Variants in CCAR1 observed in about 807,000 individuals in gnomAD.
CCAR1 encodes the protein cell division cycle and apoptosis regulator 1, also known as cell division cycle and apoptosis regulator protein 1.
Under a neutral mutation model 163.8 loss-of-function variants are expected in CCAR1, and 78 were observed. That is an observed-to-expected ratio of 0.48 (90% confidence interval 0.40 to 0.57). The LOEUF (loss-of-function observed/expected upper bound fraction) is 0.57, where lower values mean the gene tolerates loss of function less well. Among genes scored for constraint, CCAR1 ranks in the 20% least tolerant of loss-of-function variants. CCAR1 has a pLI of 0.00. For synonymous variants in CCAR1, 443 were observed against 460.7 expected (o/e 0.96, Z 0.49); for missense variants, 1,019 against 1,365.2 (o/e 0.75, Z 4.00).
chr10:68,742,309 T>G (rs1231719362), intron 5 of CCAR1, 67 bp from the exon 6 acceptor site: 26 of 1,271,494 alleles, frequency 2.0e-5, no homozygotes, highest in Non-Finnish European at 2.6e-5. Context: ...TAGTTTTAAG[T>G]AGTCATATTC....
At position 68,735,206 on chromosome 10, in the gene CCAR1, G is replaced by A. The variant is rs563782648; in HGVS notation, c.74-1670G>A. On this transcript the variant is annotated intron_variant, in intron 2 of 24. Transcript: ENST00000265872. ...CTACCAAAAATTTAAAAATTAGCAG[G>A]ATGTGGTGGCTTGCGCCTGTAGTCC... Among the ~76,000 whole-genome samples the A allele has an allele frequency of 4.6e-4, 70 of 152,124 alleles. No individual in the cohort carries two copies. The South Asian group carries it at 0.011, about 23-fold the overall frequency.
intron 15 of CCAR1, among the ~76,000 whole-genome samples, chr10:68,758,607 A>G (rs765357932): frequency 1.5e-5 from 2 of 134,194 alleles, no homozygotes; most frequent in Non-Finnish European, 3.1e-5. Context: ...ACATATATAT[A>G]CGTGTGTGTA....
intron 23 of CCAR1, 95 bp downstream of exon 23, chr10:68,788,423 C>A: frequency 1.3e-6 from 1 of 770,920 alleles, no homozygotes; most frequent in Non-Finnish European, 1.9e-6. Context: ...TACCTGTGTA[C>A]ACATTTGCAT....
At chr10:68,744,146 A>G (rs963122528) in intron 6 of CCAR1, among the ~76,000 whole-genome samples, 5 of 152,166 alleles carry the variant, frequency 3.3e-5, no homozygotes, top group African/African-American at 9.7e-5. Context: ...CAGCCCTGCA[A>G]AGTGCTGGGA....
At chr10:68,745,530 C>G (rs1589162888) in intron 6 of CCAR1, among the ~76,000 whole-genome samples, 1 of 150,864 alleles carries the variant, frequency 6.6e-6, no homozygotes, top group African/African-American at 2.4e-5. Context: ...ATGGCATGAT[C>G]TCGGCTCACT....
At chr10:68,774,822 G>A (rs1009353314) in intron 19 of CCAR1, 13 of 319,124 alleles carry the variant, frequency 4.1e-5, no homozygotes, top group Non-Finnish European at 7.1e-5. Flanking sequence ...AGACATCAAC[G>A]ATCAAATACC....
At chr10:68,742,270 C>A in intron 5 of CCAR1, 106 bp from the exon 6 acceptor site, 1 of 793,194 alleles carries the variant, frequency 1.3e-6, no homozygotes, top group Non-Finnish European at 2.0e-6. Flanking sequence ...TATCTTCTAA[C>A]ATAATATGAA....
chr10:68,759,910 C>T (rs959338400), intron 15 of CCAR1, among the ~76,000 whole-genome samples: 1 of 152,124 alleles, frequency 6.6e-6, no homozygotes, highest in Non-Finnish European at 1.5e-5. Flanking sequence ...TGAGAGTTCA[C>T]TGTAGCTTCA....
At chr10:68,759,858 GTAT>G (rs1299390267) in intron 15 of CCAR1, among the ~76,000 whole-genome samples, 6 of 152,056 alleles carry the variant, frequency 3.9e-5, no homozygotes, top group East Asian at 3.9e-4. Flanking sequence ...TTCTTAGGTG[GTAT>G]TATTATTATT....
At chr10:68,728,987 A>G (rs931313172) in intron 2 of CCAR1, among the ~76,000 whole-genome samples, 1 of 151,932 alleles carries the variant, frequency 6.6e-6, no homozygotes, top group African/African-American at 2.4e-5. Flanking sequence ...AATAAGTAGA[A>G]CTTTCTATGG....
In CCAR1 at chr10:68,755,277, A is replaced by G. The variant is rs762646313; in HGVS notation, c.1459-93A>G. ...AGATACCAGAGGTAGTAAAAATGAT[A>G]TTGGAAAGGTTTGTACCTTTCCTTC... On this transcript the variant is annotated intron_variant, in intron 12 of 24. Coordinates refer to ENST00000265872, the MANE Select transcript of CCAR1 (RefSeq NM_018237.4). The G allele has an allele frequency of 3.6e-6, 4 of 1,123,936 alleles. No homozygotes were observed. In the East Asian group the frequency reaches 7.1e-5, roughly 20 times the overall value. 69.6% of individuals were successfully genotyped at this position (1,123,936 alleles called of 1,614,324 possible).
At chr10:68,726,241 T>A (rs1298659997) in intron 2 of CCAR1, among the ~76,000 whole-genome samples, 1 of 149,182 alleles carries the variant, frequency 6.7e-6, no homozygotes, top group African/African-American at 2.5e-5. Context: ...AAGCTCCACC[T>A]CCTGGGTTCA....
In CCAR1 at chr10:68,787,979, A is replaced by T. The variant is rs772351281; in HGVS notation, c.2933A>T (p.Lys978Ile). 1.9e-6 allele frequency: 3 copies of T among 1,613,282 alleles called. No homozygotes were observed. The East Asian group carries it at 6.7e-5, about 36-fold the overall frequency. Residue 978 changes from lysine to isoleucine, a missense_variant, in exon 22 of 25, where the codon AAA becomes ATA. By Grantham distance (102) the Lys-to-Ile change is moderately radical (BLOSUM62 -3). Around this residue, in one of 4 missense-constraint regions of CCAR1, gnomAD observed 358 missense variants for 406.4 expected, o/e 0.88. Coordinates refer to ENST00000265872, the MANE Select transcript of CCAR1 (RefSeq NM_018237.4). ...VVLRESCFYR[K>I]LTDTSKDEEN... ...CTCCGTGAATCTTGCTTTTACCGGA[A>T]ATTAACAGACACCTCAAAAGATGAA...
rs2056118788 is a variant in CCAR1, at chr10:68,736,929, A to G, written c.127A>G (p.Thr43Ala). ...SLLGASPTIY[T>A]QQTALAAAGL... ...CCTTGGAGCATCTCCTACCATTTATACACAGCAAACTGCATTGGCAGCAGC... is the reference window on the plus strand; with the variant it reads ...CCTTGGAGCATCTCCTACCATTTATGCACAGCAAACTGCATTGGCAGCAGC... Residue 43 changes from threonine to alanine, a missense_variant, in exon 3 of 25, where the codon ACA (threonine) becomes GCA (alanine). Physicochemically the swap from Thr to Ala is moderately conservative, Grantham distance 58 (BLOSUM62 0). Transcript: ENST00000265872. The G allele has an allele frequency of 6.2e-7, 1 of 1,614,026 alleles. No individual in the cohort carries two copies. The highest frequency in any genetic ancestry group is 8.5e-7 in the Non-Finnish European group (1 of 1,180,016).
chr10:68,767,858 GTTTAC>G (rs1462834835), intron 17 of CCAR1, among the ~76,000 whole-genome samples: 1 of 152,136 alleles, frequency 6.6e-6, no homozygotes. Context: ...ATGTAGTTTA[GTTTAC>G]TTTACAACAT....
chr10:68,747,682 C>A, intron 8 of CCAR1, 116 bp downstream of exon 8: 1 of 832,382 alleles, frequency 1.2e-6, no homozygotes, highest in Non-Finnish European at 1.9e-6. Flanking sequence ...CCTAAAAATC[C>A]TGAATAGGAC....
At position 68,786,683 on chromosome 10, in the gene CCAR1, T is replaced by G; in HGVS notation, c.2871T>G (p.Ser957=). 6.3e-7 allele frequency: 1 copy of G among 1,592,206 alleles called. No homozygotes were observed. The stretch of plus-strand genomic sequence containing the variant: ...TTTATACTCTTGGACTACATCTTTC[T>G]CGGGCTCAGGTAATCTATCTTGTGA... ...EILYTLGLHL[S]RAQVKKLLNK... is the part of the protein sequence containing the mutation. The change falls in exon 21 of 25, where the codon TCT becomes TCG. Residue 957 remains serine (S), a synonymous_variant. Transcript: ENST00000265872.
rs1365341408 is a variant in CCAR1 at position 68,736,962 on chromosome 10, A to G, written c.160A>G (p.Thr54Ala). 1.9e-6 allele frequency: 3 copies of G among 1,613,968 alleles called. No individual in the cohort carries two copies. The highest frequency in any genetic ancestry group is 2.5e-6 in the Non-Finnish European group (3 of 1,179,960). ...QQTALAAAGL[T>A]TQTPANYQLT... ...AACTGCATTGGCAGCAGCAGGCCTT[A>G]CCACACAAACTCCAGCAAACTATCA... Residue 54 changes from threonine (T) to alanine (A), a missense_variant, in exon 3 of 25, where the codon ACC (threonine) becomes GCC (alanine). Thr to Ala is a moderately conservative substitution (Grantham distance 58). Around this residue, in one of 4 missense-constraint regions of CCAR1, gnomAD observed 644 missense variants for 904.4 expected, o/e 0.71. Coordinates refer to ENST00000265872, the MANE Select transcript of CCAR1 (RefSeq NM_018237.4).
At chr10:68,776,586 G>A (rs539310623) in intron 19 of CCAR1, among the ~76,000 whole-genome samples, 1 of 152,100 alleles carries the variant, frequency 6.6e-6, no homozygotes, top group South Asian at 2.1e-4. Flanking sequence ...AAAAGATAAG[G>A]TCTGTCACCC....
Sources: allele counts gnomAD v4.1 joint callset (sites outside exome capture counted in the v4.1 genomes callset), GRCh38; gene constraint gnomAD v4.1.1; regional missense constraint gnomAD v4.1.1; transcripts MANE v1.5; gene names NCBI Gene and HGNC (gene_info 2026-07-23, HGNC 2026-07-21).